ENTREP2: variants seen among roughly 807,000 people sequenced by gnomAD.
ENTREP2 encodes the protein endosomal transmembrane epsin interactor 2, also known as protein ENTREP2.
the ENTREP2 span, chr15:29,120,860 G>A: frequency 0.69 from 105,116 of 152,246 alleles, 39,246 homozygotes; most frequent in Middle Eastern, 0.88. Context: ...GTACCCGGAT[G>A]CCGTGGAGCC....
At chr15:29,388,579 C>T in the ENTREP2 span, among the ~76,000 whole-genome samples, 1 of 152,270 alleles carries the variant, frequency 6.6e-6, no homozygotes, top group African/African-American at 2.4e-5. Flanking sequence ...GGATCTAGAA[C>T]TAGAAATACC....
At chr15:29,402,292 TTGTGTG>T in the ENTREP2 span, among the ~76,000 whole-genome samples, 13,261 of 131,730 alleles carry the variant, frequency 0.1, 1,033 homozygotes, top group African/African-American at 0.22. Flanking sequence ...GTATATTGTA[TTGTGTG>T]TGTGTGTGTG....
At chr15:29,242,329 A>G in the ENTREP2 span, among the ~76,000 whole-genome samples, 76,170 of 151,938 alleles carry the variant, frequency 0.5, 20,689 homozygotes, top group South Asian at 0.62. Context: ...TTGGCCTCCC[A>G]AAGTGCTGGG....
chr15:29,655,786 G>C, the ENTREP2 span, among the ~76,000 whole-genome samples: 1 of 152,078 alleles, frequency 6.6e-6, no homozygotes, highest in Non-Finnish European at 1.5e-5. Context: ...AGCACTTGAG[G>C]AGGCCAAGGG....
chr15:29,653,414 G>C, the ENTREP2 span, among the ~76,000 whole-genome samples: 5 of 152,098 alleles, frequency 3.3e-5, no homozygotes, highest in Non-Finnish European at 7.4e-5. Context: ...GTTTGGCTGT[G>C]TCCCACCCAA....
At chr15:29,356,242 T>G in the ENTREP2 span, among the ~76,000 whole-genome samples, 1 of 137,860 alleles carries the variant, frequency 7.3e-6, no homozygotes, top group Non-Finnish European at 1.5e-5. Flanking sequence ...GAAGAAGATA[T>G]GAAATGTATA....
chr15:29,618,422 CAA>C, the ENTREP2 span, among the ~76,000 whole-genome samples: 57 of 80,118 alleles, frequency 7.1e-4, no homozygotes, highest in Admixed American at 1.3e-3. Flanking sequence ...GACTCTGTCT[CAA>C]AAAAAAAAAA....
chr15:29,215,028 C>T, the ENTREP2 span, among the ~76,000 whole-genome samples: 8 of 152,298 alleles, frequency 5.3e-5, no homozygotes, highest in African/African-American at 1.9e-4. Flanking sequence ...CTTGTGCTGT[C>T]AGTAGAGTAC....
chr15:29,566,467 T>A, the ENTREP2 span, among the ~76,000 whole-genome samples: 4 of 151,474 alleles, frequency 2.6e-5, no homozygotes, highest in African/African-American at 9.7e-5. Flanking sequence ...CCCAACCTAT[T>A]TTTTTTGAGA....
chr15:29,509,292 G>A, the ENTREP2 span, among the ~76,000 whole-genome samples: 1 of 152,158 alleles, frequency 6.6e-6, no homozygotes, highest in African/African-American at 2.4e-5. Context: ...TTCATGGACA[G>A]GGAGAATCAA....
the ENTREP2 span, among the ~76,000 whole-genome samples, chr15:29,674,135 G>C: frequency 8.7e-5 from 13 of 149,738 alleles, 1 homozygote; most frequent in African/African-American, 1.5e-4. Context: ...GGATGGGGGG[G>C]GGGGGGGGCT....
the ENTREP2 span, among the ~76,000 whole-genome samples, chr15:29,176,041 A>T: frequency 1.3e-5 from 2 of 152,394 alleles, no homozygotes; most frequent in South Asian, 4.1e-4. Flanking sequence ...GAAGCTAAAA[A>T]GAATGAAGAG....
chr15:29,629,477 T>C, the ENTREP2 span, among the ~76,000 whole-genome samples: 2 of 152,234 alleles, frequency 1.3e-5, no homozygotes, highest in African/African-American at 4.8e-5. Context: ...ATAATTTTCT[T>C]AGTGTTTGCT....
the ENTREP2 span, among the ~76,000 whole-genome samples, chr15:29,363,705 T>C: frequency 7.2e-5 from 11 of 152,184 alleles, no homozygotes; most frequent in Non-Finnish European, 1.6e-4. Context: ...AGAATCCAAC[T>C]AGAATGGAAA....
chr15:29,335,406 C>T, the ENTREP2 span, among the ~76,000 whole-genome samples: 1 of 152,192 alleles, frequency 6.6e-6, no homozygotes, highest in African/African-American at 2.4e-5. Flanking sequence ...CAGTACAACA[C>T]GTACCCCAAG....
At chr15:29,457,014 G>A in the ENTREP2 span, among the ~76,000 whole-genome samples, 2 of 152,242 alleles carry the variant, frequency 1.3e-5, no homozygotes, top group Non-Finnish European at 2.9e-5. Context: ...AATAAGAGTA[G>A]GAAACTACAG....
At chr15:29,517,592 AT>A in the ENTREP2 span, among the ~76,000 whole-genome samples, 1 of 152,166 alleles carries the variant, frequency 6.6e-6, no homozygotes, top group Admixed American at 6.6e-5. Context: ...GCATATTCAT[AT>A]TCTTTTTCTT....
chr15:29,132,665 A>G, the ENTREP2 span, among the ~76,000 whole-genome samples: 1 of 152,240 alleles, frequency 6.6e-6, no homozygotes, highest in Non-Finnish European at 1.5e-5. Context: ...ATCCCTTCCA[A>G]TATATTCTAT....
chr15:29,658,835 A>G, the ENTREP2 span, among the ~76,000 whole-genome samples: 4 of 152,328 alleles, frequency 2.6e-5, no homozygotes, highest in East Asian at 7.7e-4. Flanking sequence ...TTGATCAAAC[A>G]TGAATATTAT....
Sources: gnomAD v4.1 joint callset for allele counts (sites outside exome capture counted in the v4.1 genomes callset) on GRCh38, gnomAD v4.1.1 for gene constraint, MANE v1.5 for transcripts, NCBI Gene and HGNC (gene_info 2026-07-23, HGNC 2026-07-21) for gene names.